Variants in KCNH5 observed in about 807,000 individuals in gnomAD.
KCNH5 encodes the protein voltage-gated delayed rectifier potassium channel KCNH5.
Under a neutral mutation model 96.1 loss-of-function variants are expected in KCNH5, and 46 were observed. The ratio of observed to expected loss-of-function variants is 0.48; its 90% CI spans 0.38 to 0.61. The LOEUF is 0.61. KCNH5 is among the 20% of genes least tolerant of loss of function. The pLI, the probability that KCNH5 is intolerant of heterozygous loss-of-function variation, is 0.00. For missense variants in KCNH5, 907 were observed against 1,225.8 expected (o/e 0.74, Z 3.88); for synonymous variants, 439 against 449.8 (o/e 0.98, Z 0.30).
At chr14:62,914,647 T>C (rs1338328313) in intron 7 of KCNH5, among the ~76,000 whole-genome samples, 4 of 152,190 alleles carry the variant, frequency 2.6e-5, no homozygotes, top group African/African-American at 9.6e-5. Flanking sequence ...GGAGGTCCTT[T>C]GCCCCTTCCA....
At chr14:62,730,258 A>G (rs1198641935) in intron 10 of KCNH5, among the ~76,000 whole-genome samples, 1 of 152,176 alleles carries the variant, frequency 6.6e-6, no homozygotes, top group Non-Finnish European at 1.5e-5. Flanking sequence ...GATTTAATGG[A>G]TTATATGTAA....
chr14:63,001,921 C>G (rs1891017999), intron 3 of KCNH5, among the ~76,000 whole-genome samples: 1 of 152,188 alleles, frequency 6.6e-6, no homozygotes, highest in Admixed American at 6.5e-5. Context: ...TTCTAATAAG[C>G]ATTCCTCTTG....
chr14:62,873,632 TA>T (rs1264777064), intron 7 of KCNH5, among the ~76,000 whole-genome samples: 12 of 152,334 alleles, frequency 7.9e-5, no homozygotes, highest in African/African-American at 2.6e-4. Context: ...ATCAAACAAT[TA>T]TTTTTTTTAC....
At chr14:62,709,110 G>A (rs1228210399) in intron 10 of KCNH5, among the ~76,000 whole-genome samples, 2 of 151,088 alleles carry the variant, frequency 1.3e-5, no homozygotes, top group African/African-American at 4.8e-5. Flanking sequence ...GCGGGCGCCT[G>A]TAGTCCCAGC....
chr14:62,854,608 C>A (rs939023455), intron 7 of KCNH5, among the ~76,000 whole-genome samples: 1 of 151,924 alleles, frequency 6.6e-6, no homozygotes, highest in Non-Finnish European at 1.5e-5. Flanking sequence ...ATGAAGGTAT[C>A]ATATAGTCAA....
chr14:62,718,347 C>T (rs1464575236), intron 10 of KCNH5, among the ~76,000 whole-genome samples: 1 of 151,576 alleles, frequency 6.6e-6, no homozygotes, highest in Non-Finnish European at 1.5e-5. Context: ...ATATAAAGAG[C>T]TATTATAACT....
intron 1 of KCNH5, among the ~76,000 whole-genome samples, chr14:63,039,829 C>T (rs1222537981): frequency 1.3e-5 from 2 of 151,704 alleles, no homozygotes; most frequent in Non-Finnish European, 2.9e-5. Flanking sequence ...TAGATATTTT[C>T]TTCCAAGAGC....
intron 8 of KCNH5, among the ~76,000 whole-genome samples, chr14:62,842,697 C>T (rs1887610144): frequency 6.6e-6 from 1 of 152,094 alleles, no homozygotes; most frequent in South Asian, 2.1e-4. Flanking sequence ...GGCATAGCCC[C>T]TCTATTAGAC....
At chr14:62,798,130 C>T (rs1205735379) in intron 9 of KCNH5, among the ~76,000 whole-genome samples, 1 of 152,098 alleles carries the variant, frequency 6.6e-6, no homozygotes, top group Non-Finnish European at 1.5e-5. Context: ...CTCGTTTATG[C>T]TTTTTCCCAA....
rs374116690 is a variant in KCNH5 at position 62,899,768 on chromosome 14, A to G, written c.1370-49916T>C. On this transcript the variant is annotated intron_variant, in intron 7 of 10. Coordinates refer to ENST00000322893, the MANE Select transcript of KCNH5 (RefSeq NM_139318.5). ...AGAATGGCGTGAACCCGGGAGGCGG[A>G]GCTTGCAGTGAGCCGAGATCCCGCC... Among the ~76,000 whole-genome samples, 6 of 150,364 alleles carry G rather than the reference A, an allele frequency of 4.0e-5. No individual in the cohort carries two copies. The East Asian group carries it at 5.9e-4, about 15-fold the overall frequency.
intron 8 of KCNH5, among the ~76,000 whole-genome samples, chr14:62,808,893 T>C (rs115025381): frequency 0.012 from 1,851 of 152,212 alleles, 37 homozygotes; most frequent in African/African-American, 0.043. Flanking sequence ...TAATAAACTA[T>C]AGAACTCTAG....
chr14:62,728,692 TTG>T (rs1030645645), intron 10 of KCNH5, among the ~76,000 whole-genome samples: 3 of 152,328 alleles, frequency 2.0e-5, no homozygotes, highest in African/African-American at 7.2e-5. Flanking sequence ...TTTAACCTTT[TTG>T]TGCCTCATTT....
chr14:62,738,371 G>A (rs932898749), intron 10 of KCNH5, among the ~76,000 whole-genome samples: 5 of 152,102 alleles, frequency 3.3e-5, no homozygotes, highest in African/African-American at 9.7e-5. Context: ...ACCACAGAAA[G>A]GGAAACTGCA....
At chr14:62,770,492 G>T (rs1221376781) in intron 10 of KCNH5, among the ~76,000 whole-genome samples, 1 of 152,206 alleles carries the variant, frequency 6.6e-6, no homozygotes, top group African/African-American at 2.4e-5. Flanking sequence ...GCTGGCTTCA[G>T]TTGATCTCTA....
chr14:62,875,817 C>T (rs2140071018), intron 7 of KCNH5, among the ~76,000 whole-genome samples: 1 of 151,872 alleles, frequency 6.6e-6, no homozygotes, highest in South Asian at 2.1e-4. Context: ...GAGATTAAGA[C>T]CAGCCTGGTG....
intron 7 of KCNH5, among the ~76,000 whole-genome samples, chr14:62,882,092 C>A (rs944436025): frequency 5.2e-5 from 6 of 115,502 alleles, no homozygotes; most frequent in Admixed American, 9.7e-5. Flanking sequence ...TAGAGAAACC[C>A]CATTTCTTAA....
rs545804763 is a variant in KCNH5 at position 62,826,473 on chromosome 14, C to T, written c.1569+23180G>A. On this transcript the variant is annotated intron_variant, in intron 8 of 10. Coordinates refer to ENST00000322893, the MANE Select transcript of KCNH5 (RefSeq NM_139318.5). Reference sequence around the variant, plus strand: ...ATTTTCAAGGATTTTCCTTTGTAAGCCAATCTAAAAATATTTTTCTTCTAA... The same window carrying T: ...ATTTTCAAGGATTTTCCTTTGTAAGTCAATCTAAAAATATTTTTCTTCTAA... Among the ~76,000 whole-genome samples the T allele has an allele frequency of 2.4e-4, 35 of 147,700 alleles. No homozygotes were observed. The East Asian group carries it at 6.6e-3, about 28-fold the overall frequency.
chr14:62,752,888 T>G (rs933325243), intron 10 of KCNH5, among the ~76,000 whole-genome samples: 9 of 152,194 alleles, frequency 5.9e-5, no homozygotes, highest in African/African-American at 1.9e-4. Flanking sequence ...TTCCCAGTCA[T>G]GCAGAACTAT....
intron 7 of KCNH5, among the ~76,000 whole-genome samples, chr14:62,860,825 A>G (rs1888019045): frequency 6.6e-6 from 1 of 152,218 alleles, no homozygotes; most frequent in African/African-American, 2.4e-5. Context: ...TGTCTTAGGC[A>G]CTAAGCCACA....
Sources: gnomAD v4.1 joint callset for allele counts (sites outside exome capture counted in the v4.1 genomes callset) on GRCh38, gnomAD v4.1.1 for gene constraint, MANE v1.5 for transcripts, NCBI Gene and HGNC (gene_info 2026-07-23, HGNC 2026-07-21) for gene names.